The following ZWILCH variants were observed in gnomAD, a reference collection of about 807,000 sequenced individuals.
ZWILCH encodes protein zwilch homolog.
ZWILCH carries 74 observed loss-of-function variants against 79.9 expected under a neutral mutation model. The ratio of observed to expected loss-of-function variants is 0.93; its 90% CI spans 0.77 to 1.12. The LOEUF is 1.12. ZWILCH is among the 50% of genes most tolerant of loss of function. The probability of loss-of-function intolerance (pLI) is 0.00; values close to 1 mark genes in which losing one functional copy is unlikely to be tolerated. For synonymous variants in ZWILCH, 241 were observed against 228.2 expected (o/e 1.06, Z -0.51); for missense variants, 694 against 687.5 (o/e 1.01, Z -0.11).
chr15:66,515,787 T>C (rs1894229326), intron 4 of ZWILCH, 143 bp downstream of exon 4: 1 of 678,238 alleles, frequency 1.5e-6, no homozygotes, highest in East Asian at 2.7e-5. Context: ...CAACTAAGGA[T>C]AGTTCTACTT....
intron 8 of ZWILCH, among the ~76,000 whole-genome samples, chr15:66,525,049 T>C (rs879167989): frequency 6.6e-6 from 1 of 152,226 alleles, no homozygotes; most frequent in Admixed American, 6.5e-5. Context: ...GTGCTATTGC[T>C]TCAAGAGTCA....
chr15:66,545,574 T>C (rs1180095132), intron 17 of ZWILCH, among the ~76,000 whole-genome samples: 1 of 152,190 alleles, frequency 6.6e-6, no homozygotes, highest in Non-Finnish European at 1.5e-5. Flanking sequence ...GTGACTCCTT[T>C]TATGAAAATA....
chr15:66,510,393 A>T (rs947440278), intron 2 of ZWILCH, among the ~76,000 whole-genome samples: 10 of 149,186 alleles, frequency 6.7e-5, no homozygotes, highest in Non-Finnish European at 1.3e-4. Context: ...TCAAAAAAAA[A>T]AAAAAATATC....
chr15:66,546,781 A>T, intron 18 of ZWILCH, 76 bp downstream of exon 18: 1 of 670,622 alleles, frequency 1.5e-6, no homozygotes, highest in Non-Finnish European at 2.3e-6. Flanking sequence ...TTTCTACATT[A>T]TCAATGTCGA....
Position 66,532,368 on chromosome 15 carries a change from A to G in ZWILCH, c.1277A>G (p.Asp426Gly). ...CAAATGCTTTTGGAAATTGGTTTGG[A>G]CAAACTAAAGAAAGATTATATCAGT... ...PVQMLLEIGL[D>G]KLKKDYISFF... Residue 426 changes from aspartate to glycine, a missense_variant, in exon 13 of 19, where the codon GAC (aspartate) becomes GGC (glycine). Coordinates refer to ENST00000307897, the MANE Select transcript of ZWILCH (RefSeq NM_017975.5). The G allele has an allele frequency of 6.2e-7, 1 of 1,610,996 alleles. No homozygotes were observed. The highest frequency in any genetic ancestry group is 8.5e-7 in the Non-Finnish European group (1 of 1,178,936).
chr15:66,508,701 C>T, intron 1 of ZWILCH, 140 bp from the exon 2 acceptor site: 2 of 1,400,924 alleles, frequency 1.4e-6, no homozygotes, highest in South Asian at 1.7e-5. Flanking sequence ...TCTGCAACTA[C>T]ATCTTAGGGC....
chr15:66,529,416 G>A (rs1024097093), intron 11 of ZWILCH, 78 bp from the exon 12 acceptor site: 2 of 899,232 alleles, frequency 2.2e-6, no homozygotes, highest in South Asian at 1.9e-5. Flanking sequence ...TACTTCATTT[G>A]TGTATCCTTA....
intron 1 of ZWILCH, among the ~76,000 whole-genome samples, chr15:66,507,721 T>G (rs1424325912): frequency 2.6e-5 from 4 of 152,018 alleles, no homozygotes; most frequent in African/African-American, 9.7e-5. Flanking sequence ...GCTGGAGACA[T>G]TATTGCAAGA....
intron 17 of ZWILCH, 114 bp from the exon 18 acceptor site, chr15:66,546,477 A>C: frequency 4.0e-6 from 2 of 503,350 alleles, no homozygotes; most frequent in Non-Finnish European, 6.9e-6. Flanking sequence ...AGTAGAAGAC[A>C]CATTGCCATT....
intron 17 of ZWILCH, among the ~76,000 whole-genome samples, chr15:66,544,724 TTGTGTGTGTGTG>T (rs1555426547): frequency 7.8e-6 from 1 of 128,490 alleles, no homozygotes; most frequent in Non-Finnish European, 1.6e-5. Context: ...TTTTTGGTTT[TTGTGTGTGTGTG>T]TGTGTGTGTG....
At chr15:66,535,675 C>CAAAA (rs35287244) in intron 14 of ZWILCH, among the ~76,000 whole-genome samples, 1 of 103,636 alleles carries the variant, frequency 9.6e-6, no homozygotes, top group Non-Finnish European at 2.0e-5. Flanking sequence ...GACCCTGTCT[C>CAAAA]AAAAAAAAAA....
chr15:66,537,272 T>C lies in ZWILCH; in HGVS notation c.1574+9T>C. ...AAGAACTTATATCAAAGGTAAGCAA[T>C]TTTTGCTAGGCATGGTGGCTCATGC... On this transcript the variant is annotated intron_variant, in intron 16 of 18. Coordinates refer to ENST00000307897, the MANE Select transcript of ZWILCH (RefSeq NM_017975.5). The C allele has an allele frequency of 6.2e-7, 1 of 1,606,476 alleles. No homozygotes were observed. Among genetic ancestry groups the C allele is most frequent in the Non-Finnish European group, 8.5e-7 (1 of 1,175,414 alleles).
chr15:66,535,087 G>T (rs1218199411), intron 14 of ZWILCH, among the ~76,000 whole-genome samples: 1 of 150,924 alleles, frequency 6.6e-6, no homozygotes, highest in Non-Finnish European at 1.5e-5. Context: ...AAACTAAGAC[G>T]TAGACACACA....
chr15:66,545,829 G>A (rs928809441), intron 17 of ZWILCH, among the ~76,000 whole-genome samples: 3 of 152,114 alleles, frequency 2.0e-5, no homozygotes, highest in Admixed American at 6.6e-5. Context: ...ATTTTCTTTC[G>A]AAGATCGTAT....
intron 15 of ZWILCH, 135 bp downstream of exon 15, chr15:66,536,204 C>T: frequency 1.5e-6 from 1 of 685,216 alleles, no homozygotes; most frequent in Non-Finnish European, 2.2e-6. Flanking sequence ...ATGCATGAGT[C>T]TAAGTCAGTG....
At position 66,505,503 on chromosome 15, in the gene ZWILCH, C is replaced by G. The variant is rs1038118949; in HGVS notation, c.53+112C>G. 4.7e-5 allele frequency: 64 copies of G among 1,359,712 alleles called. No individual in the cohort carries two copies. In the African/African-American group the frequency reaches 7.0e-4, roughly 15 times the overall value. 84.2% of individuals were successfully genotyped at this position (1,359,712 alleles called of 1,614,324 possible). A position where few individuals can be genotyped will look rare whatever the true frequency, so the allele number is the denominator to read the frequency against. On this transcript the variant is annotated intron_variant, in intron 1 of 18. Coordinates refer to ENST00000307897, the MANE Select transcript of ZWILCH (RefSeq NM_017975.5). ...ACTCTGGGGATCAGCGCTTTGCCAG[C>G]TTTCCTGGGGTCCAGGAGTTGGGGA...
chr15:66,510,589 G>C (rs8033051), intron 2 of ZWILCH, among the ~76,000 whole-genome samples: 6 of 152,098 alleles, frequency 3.9e-5, no homozygotes, highest in African/African-American at 1.4e-4. Flanking sequence ...CTTGATATCT[G>C]TATTAGTTTC....
At chr15:66,542,452 G>C (rs1385478406) in intron 17 of ZWILCH, among the ~76,000 whole-genome samples, 1 of 152,142 alleles carries the variant, frequency 6.6e-6, no homozygotes, top group Non-Finnish European at 1.5e-5. Context: ...AGGTGTGGTG[G>C]CATGTGCCTG....
intron 16 of ZWILCH, among the ~76,000 whole-genome samples, chr15:66,538,947 A>C (rs530076986): frequency 6.6e-6 from 1 of 152,250 alleles, no homozygotes; most frequent in East Asian, 1.9e-4. Context: ...TGTCTAGGCT[A>C]ACGATAATTC....
Sources: gnomAD v4.1 joint callset for allele counts (sites outside exome capture counted in the v4.1 genomes callset) on GRCh38, gnomAD v4.1.1 for gene constraint, MANE v1.5 for transcripts, NCBI Gene and HGNC (gene_info 2026-07-23, HGNC 2026-07-21) for gene names.